The following NRXN1 variants were observed in gnomAD, a reference collection of about 807,000 sequenced individuals.
NRXN1 encodes neurexin-1.
Under a neutral mutation model 150.9 loss-of-function variants are expected in NRXN1, and 39 were observed. The ratio of observed to expected loss-of-function variants is 0.26; its 90% CI spans 0.20 to 0.34. NRXN1 has a LOEUF of 0.34. NRXN1 is among the 10% of genes least tolerant of loss of function. The probability of loss-of-function intolerance (pLI) is 1.00; values close to 1 mark genes in which losing one functional copy is unlikely to be tolerated. For missense variants in NRXN1, 1,815 were observed against 1,949.9 expected, an observed-to-expected ratio of 0.93 and a Z score of 1.30; for synonymous variants, 924 against 757.0, an observed-to-expected ratio of 1.22 and a Z score of -3.62.
intron 5 of NRXN1, among the ~76,000 whole-genome samples, chr2:50,829,999 GAAAAAAAAAAAA>G (rs572758147): frequency 2.4e-4 from 14 of 58,180 alleles, no homozygotes; most frequent in East Asian, 7.6e-4. Context: ...CTGCCTGCTG[GAAAAAAAAAAAA>G]AAAAAAAAAA....
At position 50,447,737 on chromosome 2, in the gene NRXN1, T is replaced by TTTTATATATATATATATATATA. The variant is rs1208594855; in HGVS notation, c.3364+17704_3364+17705insTATATATATATATATATATAAA. On this transcript the variant is annotated intron_variant, in intron 17 of 22. Coordinates refer to ENST00000401669, the MANE Select transcript of NRXN1 (RefSeq NM_001330078.2). The stretch of plus-strand genomic sequence containing the variant: ...AAATCACATAGTAAGCAGGGGAACG[T>TTTTATATATATATATATATATA]TATATATATATATATATATATATAT... Among the ~76,000 whole-genome samples the TTTTATATATATATATATATATA allele has an allele frequency of 6.6e-3, 250 of 37,876 alleles. 63 individuals carry two copies. The highest frequency in any genetic ancestry group is 0.028 in the African/African-American group (168 of 6,076). 24.8% of individuals were successfully genotyped at this position (37,876 alleles called of 152,430 possible). A position where few individuals can be genotyped will look rare whatever the true frequency, so the allele number is the denominator to read the frequency against.
At chr2:49,995,160 G>C (rs1252316640) in intron 21 of NRXN1, among the ~76,000 whole-genome samples, 1 of 152,194 alleles carries the variant, frequency 6.6e-6, no homozygotes, top group Non-Finnish European at 1.5e-5. Flanking sequence ...CAAATCTGTA[G>C]AGTCAAGACA....
intron 2 of NRXN1, among the ~76,000 whole-genome samples, chr2:50,966,073 T>TA (rs1199882695): frequency 6.6e-6 from 1 of 151,658 alleles, no homozygotes; most frequent in Non-Finnish European, 1.5e-5. Context: ...CTAATTGCAA[T>TA]AAAAAATAAA....
chr2:50,962,875 A>G (rs1055341330), intron 2 of NRXN1, among the ~76,000 whole-genome samples: 2 of 151,620 alleles, frequency 1.3e-5, no homozygotes, highest in African/African-American at 4.8e-5. Context: ...CAAGTACTGA[A>G]TATGTTCCAC....
intron 17 of NRXN1, among the ~76,000 whole-genome samples, chr2:50,340,331 T>C (rs2077465783): frequency 6.6e-6 from 1 of 152,210 alleles, no homozygotes; most frequent in Non-Finnish European, 1.5e-5. Flanking sequence ...TACAAGCTTC[T>C]ATGTGGAGAG....
intron 5 of NRXN1, among the ~76,000 whole-genome samples, chr2:50,788,286 C>T (rs966583067): frequency 1.3e-5 from 2 of 151,932 alleles, no homozygotes; most frequent in African/African-American, 4.8e-5. Context: ...GATGGGGTTT[C>T]ACCATGTTAG....
intron 19 of NRXN1, among the ~76,000 whole-genome samples, chr2:50,059,775 G>A (rs1350920746): frequency 6.6e-6 from 1 of 152,232 alleles, no homozygotes; most frequent in African/African-American, 2.4e-5. Context: ...TTGCTTCAGA[G>A]GGTGCAAGCC....
Position 50,347,000 on chromosome 2 carries a change from G to A in NRXN1, c.3365-110030C>T. ...CGCCGCGGGAGGCAAAGTTTGGGGC[G>A]CGGGGAGAGGAGAGGGCGCAGGGGA... On this transcript the variant is annotated intron_variant, in intron 17 of 22. Coordinates refer to ENST00000401669, the MANE Select transcript of NRXN1 (RefSeq NM_001330078.2). This position sits in a 1 kb window ranked among gnomAD's most constrained non-coding sequence, Gnocchi z 5.0. 1.5e-6 allele frequency: 2 copies of A among 1,364,000 alleles called. No individual in the cohort carries two copies. The highest frequency in any genetic ancestry group is 6.1e-5 in the Admixed American group (2 of 32,544). The allele number at this position is 1,364,000 out of a possible 1,614,324, so 84.5% of individuals were successfully genotyped here.
intron 18 of NRXN1, among the ~76,000 whole-genome samples, chr2:50,161,500 A>T (rs2059363209): frequency 6.6e-6 from 1 of 152,152 alleles, no homozygotes; most frequent in Non-Finnish European, 1.5e-5. Flanking sequence ...GGTAAGGGGC[A>T]TCCTTACTCC....
At chr2:50,717,970 T>G (rs558728209) in intron 5 of NRXN1, among the ~76,000 whole-genome samples, 3 of 152,254 alleles carry the variant, frequency 2.0e-5, no homozygotes, top group African/African-American at 7.2e-5. Flanking sequence ...ACAAATGAAT[T>G]GGGAAGGCGG....
intron 15 of NRXN1, among the ~76,000 whole-genome samples, chr2:50,491,715 T>C (rs1192680006): frequency 6.6e-6 from 1 of 152,188 alleles, no homozygotes; most frequent in African/African-American, 2.4e-5. Flanking sequence ...CAGTTTTATG[T>C]AGTTTTGCTA....
At chr2:50,591,286 C>G (rs1486254805) in intron 8 of NRXN1, among the ~76,000 whole-genome samples, 4 of 151,616 alleles carry the variant, frequency 2.6e-5, no homozygotes, top group African/African-American at 7.3e-5. Flanking sequence ...AAATAGATAC[C>G]TAACATAAGA....
At chr2:50,503,841 A>G (rs1023341705) in intron 13 of NRXN1, among the ~76,000 whole-genome samples, 1 of 152,194 alleles carries the variant, frequency 6.6e-6, no homozygotes, top group African/African-American at 2.4e-5. Context: ...TAATTATACA[A>G]TGGAGAAACT....
chr2:50,939,290 A>T (rs1409769725), intron 2 of NRXN1, among the ~76,000 whole-genome samples: 1 of 151,858 alleles, frequency 6.6e-6, no homozygotes, highest in East Asian at 1.9e-4. Flanking sequence ...TCATTTAGAA[A>T]TCATATTTTT....
At chr2:50,013,548 T>C (rs1686062878) in intron 21 of NRXN1, among the ~76,000 whole-genome samples, 1 of 152,136 alleles carries the variant, frequency 6.6e-6, no homozygotes, top group Non-Finnish European at 1.5e-5. Flanking sequence ...AGGTAAGACA[T>C]GCCATGGTTT....
chr2:50,641,566 T>C (rs1684080524), intron 5 of NRXN1, among the ~76,000 whole-genome samples: 1 of 152,066 alleles, frequency 6.6e-6, no homozygotes, highest in African/African-American at 2.4e-5. Flanking sequence ...CAGAATTCTA[T>C]ACAAAATGGA....
chr2:50,781,808 C>T (rs1704390162), intron 5 of NRXN1, among the ~76,000 whole-genome samples: 1 of 152,118 alleles, frequency 6.6e-6, no homozygotes, highest in Admixed American at 6.6e-5. Context: ...GATGAAACTG[C>T]CTCAATTCGG....
chr2:50,403,756 G>T (rs1350353347), intron 17 of NRXN1, among the ~76,000 whole-genome samples: 3 of 151,816 alleles, frequency 2.0e-5, no homozygotes, highest in Non-Finnish European at 1.5e-5. Context: ...TTTTATATTT[G>T]CCCTTAGTAT....
At chr2:50,866,343 T>G (rs748449123) in intron 5 of NRXN1, among the ~76,000 whole-genome samples, 24 of 151,996 alleles carry the variant, frequency 1.6e-4, no homozygotes, top group Non-Finnish European at 3.1e-4. Flanking sequence ...TAAATTATTA[T>G]GAATTGTGTA....
Sources: gnomAD v4.1 joint callset for allele counts (sites outside exome capture counted in the v4.1 genomes callset) on GRCh38, gnomAD v4.1.1 for gene constraint, Gnocchi (gnomAD v3.1) non-coding constraint, MANE v1.5 for transcripts, NCBI Gene and HGNC (gene_info 2026-07-23, HGNC 2026-07-21) for gene names.